Variants in MSH3 observed in about 807,000 individuals in gnomAD.
The protein encoded by MSH3 is DNA mismatch repair protein Msh3.
MSH3 carries 106 observed loss-of-function variants against 123.3 expected under a neutral mutation model. That is an observed-to-expected ratio of 0.86 (90% CI 0.73 to 1.01). MSH3 has a LOEUF of 1.01. MSH3 is among the 50% of genes least tolerant of loss of function. The pLI, the probability that MSH3 is intolerant of heterozygous loss-of-function variation, is 0.00. For synonymous variants in MSH3, 515 were observed against 481.4 expected (o/e 1.07, Z -0.91); for missense variants, 1,459 against 1,347.6 (o/e 1.08, Z -1.29).
intron 21 of MSH3, among the ~76,000 whole-genome samples, chr5:80,863,495 C>A (rs1746047614): frequency 6.6e-6 from 1 of 151,798 alleles, no homozygotes; most frequent in Non-Finnish European, 1.5e-5. Flanking sequence ...ACGGTGAAAC[C>A]CCGTCTCTAC....
chr5:80,841,963 G>A (rs2112091774), intron 20 of MSH3, among the ~76,000 whole-genome samples: 1 of 152,278 alleles, frequency 6.6e-6, no homozygotes, highest in Non-Finnish European at 1.5e-5. Flanking sequence ...TGGTGTTTTA[G>A]TCATGAAGTC....
intron 17 of MSH3, among the ~76,000 whole-genome samples, chr5:80,780,368 G>T (rs972100786): frequency 3.3e-5 from 5 of 152,130 alleles, no homozygotes; most frequent in African/African-American, 9.7e-5. Flanking sequence ...TATTTTTCAC[G>T]TGACCCCTGT....
intron 18 of MSH3, among the ~76,000 whole-genome samples, chr5:80,788,311 C>T (rs973120581): frequency 2.0e-5 from 3 of 152,086 alleles, no homozygotes; most frequent in Non-Finnish European, 4.4e-5. Flanking sequence ...GTATCACGTG[C>T]CTGTAATCCC....
chr5:80,687,868 G>A (rs1483314211), intron 8 of MSH3, among the ~76,000 whole-genome samples: 2 of 152,046 alleles, frequency 1.3e-5, no homozygotes, highest in African/African-American at 4.8e-5. Context: ...TTTCCCTAAA[G>A]GAAAAAGCGG....
intron 20 of MSH3, among the ~76,000 whole-genome samples, chr5:80,817,042 G>T (rs144730345): frequency 2.7e-4 from 41 of 152,280 alleles, no homozygotes; most frequent in African/African-American, 8.9e-4. Context: ...GTGTGGATGA[G>T]ATCATCTTGA....
intron 17 of MSH3, among the ~76,000 whole-genome samples, chr5:80,785,996 TG>T (rs1348253032): frequency 5.9e-4 from 9 of 15,164 alleles, no homozygotes; most frequent in South Asian, 4.7e-3. Context: ...TGTTGTGGGG[TG>T]GGGGGAAGGG....
intron 8 of MSH3, among the ~76,000 whole-genome samples, chr5:80,693,484 A>C (rs1044518309): frequency 2.7e-5 from 4 of 145,514 alleles, no homozygotes; most frequent in African/African-American, 7.8e-5. Flanking sequence ...TGTTTATATA[A>C]ATATGCACAT....
rs765814546 is a variant in MSH3 at position 80,672,246 on chromosome 5, T to G, written c.795T>G (p.Ile265Met). ...TATTTTCTTTTTTCATTTTTTAGATTGCAGCCCGAGAGCTCAATATTTATT... is the reference window on the plus strand; with the variant it reads ...TATTTTCTTTTTTCATTTTTTAGATGGCAGCCCGAGAGCTCAATATTTATT... ...KYRFFGEDAE[I>M]AARELNIYCH... Residue 265 changes from isoleucine (I) to methionine (M), a missense_variant and splice_region_variant, in exon 5 of 24, where the codon ATT (isoleucine) becomes ATG (methionine). By Grantham distance (10) the Ile-to-Met change is conservative (BLOSUM62 1). Coordinates refer to ENST00000265081, the MANE Select transcript of MSH3 (RefSeq NM_002439.5). 4 of 1,607,176 alleles carry G rather than the reference T, an allele frequency of 2.5e-6. No homozygotes were observed. Among genetic ancestry groups the G allele is most frequent in the Non-Finnish European group, 3.4e-6 (4 of 1,174,194 alleles).
intron 22 of MSH3, 42 bp from the exon 23 acceptor site, chr5:80,873,074 A>G (rs777623073): frequency 1.3e-6 from 2 of 1,552,704 alleles, no homozygotes; most frequent in Non-Finnish European, 1.8e-6. Flanking sequence ...AATTTATTTC[A>G]GCTTTCAGGC....
intron 8 of MSH3, among the ~76,000 whole-genome samples, chr5:80,689,079 G>A (rs1052193912): frequency 2.6e-5 from 4 of 152,196 alleles, no homozygotes; most frequent in East Asian, 1.9e-4. Flanking sequence ...TCCAGGAAGT[G>A]TGGTCACAGG....
chr5:80,797,558 A>G (rs1744718235), intron 19 of MSH3, among the ~76,000 whole-genome samples: 1 of 152,202 alleles, frequency 6.6e-6, no homozygotes, highest in South Asian at 2.1e-4. Flanking sequence ...TAGTGTAACC[A>G]CGTCTTCATA....
chr5:80,767,309 C>T (rs1261851366), intron 13 of MSH3, among the ~76,000 whole-genome samples: 1 of 152,070 alleles, frequency 6.6e-6, no homozygotes, highest in African/African-American at 2.4e-5. Context: ...AGTTGTTTTT[C>T]AAAAAGGTTA....
chr5:80,865,293 T>C (rs1746080607), intron 22 of MSH3, among the ~76,000 whole-genome samples: 1 of 152,182 alleles, frequency 6.6e-6, no homozygotes, highest in Non-Finnish European at 1.5e-5. Flanking sequence ...CTGCAGAGTA[T>C]AATTAGTCAT....
intron 20 of MSH3, among the ~76,000 whole-genome samples, chr5:80,852,396 C>G (rs971366690): frequency 8.5e-5 from 13 of 152,076 alleles, no homozygotes; most frequent in African/African-American, 3.1e-4. Flanking sequence ...AAATCAATGA[C>G]CCCCCAAAAT....
intron 16 of MSH3, among the ~76,000 whole-genome samples, chr5:80,776,061 T>C (rs1408060299): frequency 6.6e-6 from 1 of 152,064 alleles, no homozygotes; most frequent in Middle Eastern, 3.2e-3. Context: ...GGCTAATTTT[T>C]GTATTTTTAG....
chr5:80,812,421 T>C (rs1745023816), intron 19 of MSH3, among the ~76,000 whole-genome samples: 1 of 152,312 alleles, frequency 6.6e-6, no homozygotes, highest in East Asian at 1.9e-4. Context: ...TACTTACTTA[T>C]GATCCCCAGT....
intron 12 of MSH3, among the ~76,000 whole-genome samples, chr5:80,748,288 A>G (rs768630484): frequency 2.0e-5 from 3 of 152,208 alleles, no homozygotes; most frequent in African/African-American, 4.8e-5. Context: ...TTCAAGTTTC[A>G]GAAGACTTTC....
At chr5:80,715,694 A>T (rs1266567477) in intron 8 of MSH3, among the ~76,000 whole-genome samples, 1 of 152,126 alleles carries the variant, frequency 6.6e-6, no homozygotes, top group Non-Finnish European at 1.5e-5. Context: ...GTCGTGGCAG[A>T]AGGTGAAGGG....
chr5:80,839,902 C>T (rs1745585993), intron 20 of MSH3, among the ~76,000 whole-genome samples: 1 of 152,178 alleles, frequency 6.6e-6, no homozygotes, highest in Admixed American at 6.5e-5. Context: ...CCCAGCCCTA[C>T]TCACTAGAGG....
Sources: allele counts gnomAD v4.1 joint callset (sites outside exome capture counted in the v4.1 genomes callset), GRCh38; gene constraint gnomAD v4.1.1; transcripts MANE v1.5; gene names NCBI Gene and HGNC (gene_info 2026-07-23, HGNC 2026-07-21).